Variants in RBMS1 observed in about 807,000 individuals in gnomAD.
RBMS1 encodes the protein RNA binding motif single stranded interacting protein 1, also known as RNA-binding motif, single-stranded-interacting protein 1.
A neutral mutation model predicts 62.3 loss-of-function variants in RBMS1; 17 were observed. The ratio of observed to expected loss-of-function variants is 0.27; its 90% confidence interval spans 0.19 to 0.41. The LOEUF (loss-of-function observed/expected upper bound fraction) is 0.41, where lower values mean the gene tolerates loss of function less well. RBMS1 is among the 10% of genes least tolerant of loss of function. The pLI is 1.00. For synonymous variants in RBMS1, 172 were observed against 170.0 expected, an observed-to-expected ratio of 1.01 and a Z score of -0.09; for missense variants, 334 against 504.5, an observed-to-expected ratio of 0.66 and a Z score of 3.24.
chr2:160,348,926 T>G (rs1352687666), intron 2 of RBMS1, among the ~76,000 whole-genome samples: 1 of 152,148 alleles, frequency 6.6e-6, no homozygotes, highest in Non-Finnish European at 1.5e-5. Context: ...TACTTGAGTT[T>G]ATTAATGTTT....
At chr2:160,361,645 T>A (rs1374948508) in intron 2 of RBMS1, among the ~76,000 whole-genome samples, 1 of 152,184 alleles carries the variant, frequency 6.6e-6, no homozygotes, top group Non-Finnish European at 1.5e-5. Context: ...AAGCCCGGTG[T>A]GCATACCGTA....
chr2:160,307,864 G>A (rs1689624558), intron 4 of RBMS1, among the ~76,000 whole-genome samples: 1 of 152,128 alleles, frequency 6.6e-6, no homozygotes, highest in Non-Finnish European at 1.5e-5. Context: ...CTCTCATTTT[G>A]CAGTTTTGCA....
intron 11 of RBMS1, 153 bp downstream of exon 11, chr2:160,278,395 A>C: frequency 1.5e-6 from 1 of 664,564 alleles, no homozygotes; most frequent in South Asian, 1.8e-5. Context: ...GAAATAGCTG[A>C]GTATTTACTT....
At chr2:160,397,432 G>T (rs931306251) in intron 1 of RBMS1, among the ~76,000 whole-genome samples, 1 of 152,012 alleles carries the variant, frequency 6.6e-6, no homozygotes, top group Non-Finnish European at 1.5e-5. Context: ...GCCCTTTCCT[G>T]TAAGACTAAT....
intron 6 of RBMS1, 61 bp from the exon 7 acceptor site, chr2:160,287,145 T>A: frequency 6.3e-7 from 1 of 1,596,134 alleles, no homozygotes; most frequent in South Asian, 1.1e-5. Context: ...GATGACAAAA[T>A]GTATTACAAA....
At chr2:160,347,577 A>G (rs987333950) in intron 2 of RBMS1, among the ~76,000 whole-genome samples, 1 of 152,112 alleles carries the variant, frequency 6.6e-6, no homozygotes, top group South Asian at 2.1e-4. Flanking sequence ...TAGTAGAACT[A>G]ATCAGTTTTC....
At chr2:160,450,556 T>TAGAAAAAAAAAAAAAAAAAAA (rs1349442120) in intron 1 of RBMS1, among the ~76,000 whole-genome samples, 22 of 9,500 alleles carry the variant, frequency 2.3e-3, no homozygotes, top group East Asian at 7.9e-3. Flanking sequence ...AAATAAAAAA[T>TAGAAAAAAAAAAAAAAAAAAA]AAAAAATGAA....
chr2:160,430,498 A>G (rs1682842735), intron 1 of RBMS1, among the ~76,000 whole-genome samples: 1 of 152,218 alleles, frequency 6.6e-6, no homozygotes, highest in African/African-American at 2.4e-5. Context: ...TGTTTCTCTT[A>G]AGTAAATGCT....
At chr2:160,319,758 T>C (rs1438595901) in intron 2 of RBMS1, among the ~76,000 whole-genome samples, 1 of 152,238 alleles carries the variant, frequency 6.6e-6, no homozygotes, top group Non-Finnish European at 1.5e-5. Context: ...TACACACTTG[T>C]ATTTTATGCA....
At chr2:160,475,879 A>T (rs1222929687) in intron 1 of RBMS1, among the ~76,000 whole-genome samples, 1 of 148,772 alleles carries the variant, frequency 6.7e-6, no homozygotes, top group Non-Finnish European at 1.5e-5. Flanking sequence ...TTTTTTGAGA[A>T]GGGTTCTCAC....
At chr2:160,464,187 A>C (rs1355107188) in intron 1 of RBMS1, among the ~76,000 whole-genome samples, 1 of 152,210 alleles carries the variant, frequency 6.6e-6, no homozygotes, top group African/African-American at 2.4e-5. Flanking sequence ...ATGCATACAG[A>C]GATCCACACA....
intron 1 of RBMS1, among the ~76,000 whole-genome samples, chr2:160,404,356 C>T (rs1464595716): frequency 1.3e-5 from 2 of 152,154 alleles, no homozygotes; most frequent in African/African-American, 4.8e-5. Context: ...TACCAACCAC[C>T]GCTGCTTTAA....
intron 2 of RBMS1, among the ~76,000 whole-genome samples, chr2:160,362,869 G>T (rs1693205515): frequency 6.6e-6 from 1 of 152,080 alleles, no homozygotes. Flanking sequence ...GGAAGAGGAG[G>T]TTGGAGGTTA....
At chr2:160,490,896 T>A (rs1035715167) in intron 1 of RBMS1, among the ~76,000 whole-genome samples, 1 of 152,188 alleles carries the variant, frequency 6.6e-6, no homozygotes, top group Non-Finnish European at 1.5e-5. Context: ...ATCACTGTAC[T>A]TTAAACAGAG....
chr2:160,407,366 A>C (rs1695792167), intron 1 of RBMS1: 1 of 985,566 alleles, frequency 1.0e-6, no homozygotes, highest in African/African-American at 1.7e-5. Flanking sequence ...GTCACCGCCC[A>C]GCCGGTCCCT....
intron 1 of RBMS1, among the ~76,000 whole-genome samples, chr2:160,369,503 G>A (rs1379296618): frequency 1.3e-5 from 2 of 152,218 alleles, no homozygotes; most frequent in Non-Finnish European, 2.9e-5. Flanking sequence ...TTGACGCAGA[G>A]AACTTGTAGC....
intron 1 of RBMS1, among the ~76,000 whole-genome samples, chr2:160,375,151 C>T (rs1293694683): frequency 2.6e-5 from 4 of 152,158 alleles, no homozygotes; most frequent in African/African-American, 9.7e-5. Flanking sequence ...CCAGATAAGA[C>T]ATATCAAGAC....
chr2:160,341,285 A>G (rs1395067681), intron 2 of RBMS1, among the ~76,000 whole-genome samples: 1 of 152,150 alleles, frequency 6.6e-6, no homozygotes, highest in Non-Finnish European at 1.5e-5. Flanking sequence ...ATTGTTTCCA[A>G]TGTTTTGGTA....
chr2:160,396,208 TG>T (rs1695129560), intron 1 of RBMS1, among the ~76,000 whole-genome samples: 1 of 152,252 alleles, frequency 6.6e-6, no homozygotes, highest in Non-Finnish European at 1.5e-5. Context: ...TTTTTTTAAA[TG>T]GACGTTGGCC....
Sources: allele counts gnomAD v4.1 joint callset (sites outside exome capture counted in the v4.1 genomes callset), GRCh38; gene constraint gnomAD v4.1.1; transcripts MANE v1.5; gene names NCBI Gene and HGNC (gene_info 2026-07-23, HGNC 2026-07-21).